ITGBL1: variants seen among roughly 807,000 people sequenced by gnomAD.
ITGBL1 encodes the protein integrin subunit beta like 1.
Under a neutral mutation model 68.5 loss-of-function variants are expected in ITGBL1, and 51 were observed. The observed-to-expected ratio is 0.74, with a 90% CI of 0.59 to 0.94. ITGBL1 has a LOEUF of 0.94. Among genes scored for constraint, ITGBL1 ranks in the 40% least tolerant of loss-of-function variants. The probability of loss-of-function intolerance (pLI) is 0.00; values close to 1 mark genes in which losing one functional copy is unlikely to be tolerated. For synonymous variants in ITGBL1, 209 were observed against 227.3 expected, an observed-to-expected ratio of 0.92 and a Z score of 0.72; for missense variants, 649 against 647.4, an observed-to-expected ratio of 1.00 and a Z score of -0.03.
intron 7 of ITGBL1, among the ~76,000 whole-genome samples, chr13:101,633,551 G>T: frequency 6.6e-6 from 1 of 152,272 alleles, no homozygotes; most frequent in East Asian, 1.9e-4. Flanking sequence ...CAAGTGGAAT[G>T]TGAGTCTGAC....
At chr13:101,607,594 A>G (rs1292300093) in intron 7 of ITGBL1, among the ~76,000 whole-genome samples, 1 of 152,018 alleles carries the variant, frequency 6.6e-6, no homozygotes, top group Non-Finnish European at 1.5e-5. Context: ...ATTCTTGGAT[A>G]TGGAATACAT....
At chr13:101,688,178 C>T (rs1206605844) in intron 7 of ITGBL1, among the ~76,000 whole-genome samples, 3 of 152,110 alleles carry the variant, frequency 2.0e-5, no homozygotes, top group African/African-American at 7.2e-5. Context: ...TTGGCTGCTA[C>T]CAAGATACAA....
At chr13:101,464,901 G>A (rs1221739377) in intron 2 of ITGBL1, among the ~76,000 whole-genome samples, 2 of 152,166 alleles carry the variant, frequency 1.3e-5, no homozygotes, top group Admixed American at 6.5e-5. Context: ...CTGTAATGCT[G>A]ACACTCTTGA....
chr13:101,476,353 A>C (rs1178034207), intron 2 of ITGBL1, among the ~76,000 whole-genome samples: 1 of 152,108 alleles, frequency 6.6e-6, no homozygotes, highest in African/African-American at 2.4e-5. Context: ...AAAGTTTAAA[A>C]ATGAAATTAA....
At chr13:101,655,238 T>A (rs1052142203) in intron 7 of ITGBL1, among the ~76,000 whole-genome samples, 1 of 152,204 alleles carries the variant, frequency 6.6e-6, no homozygotes, top group Non-Finnish European at 1.5e-5. Context: ...CACTGCTAGA[T>A]TGAAACTAGA....
intron 7 of ITGBL1, among the ~76,000 whole-genome samples, chr13:101,669,865 A>C (rs2033315783): frequency 6.6e-6 from 1 of 152,156 alleles, no homozygotes; most frequent in African/African-American, 2.4e-5. Flanking sequence ...TTTTCATTGC[A>C]TCTCACTGCA....
chr13:101,551,679 C>G (rs1217819115), intron 2 of ITGBL1, among the ~76,000 whole-genome samples: 1 of 152,140 alleles, frequency 6.6e-6, no homozygotes, highest in Non-Finnish European at 1.5e-5. Flanking sequence ...ATTATGTTTT[C>G]TGTTTTTCAT....
intron 7 of ITGBL1, among the ~76,000 whole-genome samples, chr13:101,680,489 T>G (rs2033615525): frequency 6.6e-6 from 1 of 151,204 alleles, no homozygotes; most frequent in African/African-American, 2.4e-5. Context: ...CATTTGATGA[T>G]ACAGTGCTCT....
At chr13:101,628,257 A>G (rs1194820974) in intron 7 of ITGBL1, among the ~76,000 whole-genome samples, 1 of 152,130 alleles carries the variant, frequency 6.6e-6, no homozygotes, top group Non-Finnish European at 1.5e-5. Context: ...TTAATAAGGC[A>G]TCTGTTAAGA....
At chr13:101,478,200 T>G (rs959190223) in intron 2 of ITGBL1, among the ~76,000 whole-genome samples, 1 of 152,130 alleles carries the variant, frequency 6.6e-6, no homozygotes, top group African/African-American at 2.4e-5. Flanking sequence ...TCAATCAACG[T>G]GATACAACAT....
chr13:101,554,654 G>C lies in ITGBL1; in HGVS notation c.317-13045G>C, dbSNP rs79197337. On this transcript the variant is annotated intron_variant, in intron 2 of 10. Coordinates refer to ENST00000376180, the MANE Select transcript of ITGBL1 (RefSeq NM_004791.3). ...TGCCTTATTCTGTTGAAATTGTTCT[G>C]AGATGATTCAGAGAAAATTTGCAAC... is the stretch of plus-strand genomic sequence containing the variant. 8.7e-3 allele frequency among the ~76,000 whole-genome samples: 1,332 copies of C among 152,308 alleles called. 25 individuals are homozygous for C. The highest frequency in any genetic ancestry group is 0.03 in the African/African-American group (1,265 of 41,556).
At chr13:101,592,784 G>A (rs2050677400) in intron 6 of ITGBL1, among the ~76,000 whole-genome samples, 1 of 152,002 alleles carries the variant, frequency 6.6e-6, no homozygotes, top group South Asian at 2.1e-4. Flanking sequence ...AACTGAAAAT[G>A]CATTAAAGTC....
intron 2 of ITGBL1, among the ~76,000 whole-genome samples, chr13:101,554,707 A>G (rs1389598358): frequency 6.6e-6 from 1 of 152,186 alleles, no homozygotes; most frequent in Non-Finnish European, 1.5e-5. Flanking sequence ...TTTGGACCTG[A>G]GGCTCTGTCT....
At chr13:101,718,118 AC>A (rs2034794042), downstream of ITGBL1, 1 of 152,136 alleles carries the variant, frequency 6.6e-6, no homozygotes, top group Non-Finnish European at 1.5e-5. Flanking sequence ...AAACCATAGT[AC>A]CGGAACTGTA....
chr13:101,590,916 T>A (rs1170366565), intron 6 of ITGBL1, among the ~76,000 whole-genome samples: 2 of 152,186 alleles, frequency 1.3e-5, no homozygotes, highest in Non-Finnish European at 2.9e-5. Context: ...TTGTTTTGTT[T>A]TTTTTGAGTT....
chr13:101,672,224 G>A (rs2033396329), intron 7 of ITGBL1, among the ~76,000 whole-genome samples: 1 of 152,120 alleles, frequency 6.6e-6, no homozygotes, highest in South Asian at 2.1e-4. Context: ...TTAGATGTTG[G>A]CCCTGTGCAT....
intron 2 of ITGBL1, among the ~76,000 whole-genome samples, chr13:101,524,550 T>A (rs2049340814): frequency 1.3e-5 from 2 of 152,014 alleles, no homozygotes; most frequent in Non-Finnish European, 2.9e-5. Flanking sequence ...CTGATGTAAT[T>A]TTGCATTTGT....
chr13:101,647,892 A>G (rs1282263171), intron 7 of ITGBL1, among the ~76,000 whole-genome samples: 1 of 152,202 alleles, frequency 6.6e-6, no homozygotes, highest in Non-Finnish European at 1.5e-5. Flanking sequence ...AAAGTGACTA[A>G]CAAATTGATT....
Position 101,478,731 on chromosome 13 carries a change from GC to G in ITGBL1, c.316+24632del, listed in dbSNP as rs1382870373. Reference sequence around the variant, plus strand: ...CAAGAAAGTAACCTCATTTACAACAGCTACAAATAAAATGAGTTAACCAAAG... The same window carrying G: ...CAAGAAAGTAACCTCATTTACAACAGTACAAATAAAATGAGTTAACCAAAG... On this transcript the variant is annotated intron_variant, in intron 2 of 10. Transcript: ENST00000376180. Among the ~76,000 whole-genome samples, 6 of 151,836 alleles carry G rather than the reference GC, an allele frequency of 4.0e-5. No individual in the cohort carries two copies. In the East Asian group the frequency reaches 1.2e-3, roughly 29 times the overall value.
Sources: allele counts gnomAD v4.1 joint callset (sites outside exome capture counted in the v4.1 genomes callset), GRCh38; gene constraint gnomAD v4.1.1; transcripts MANE v1.5; gene names NCBI Gene and HGNC (gene_info 2026-07-23, HGNC 2026-07-21).